SLC25A13: variants seen among roughly 807,000 people sequenced by gnomAD.
The protein encoded by SLC25A13 is electrogenic aspartate/glutamate antiporter SLC25A13, mitochondrial.
A neutral mutation model predicts 85.5 loss-of-function variants in SLC25A13; 70 were observed. That is an observed-to-expected ratio of 0.82 (90% CI 0.68 to 1.00). SLC25A13 has a LOEUF of 1.00. SLC25A13 is among the 50% of genes least tolerant of loss of function. The pLI, the probability that SLC25A13 is intolerant of heterozygous loss-of-function variation, is 0.00. For missense variants in SLC25A13, 765 were observed against 819.8 expected (o/e 0.93, Z 0.82); for synonymous variants, 259 against 288.7 (o/e 0.90, Z 1.04).
intron 1 of SLC25A13, among the ~76,000 whole-genome samples, chr7:96,319,096 T>TA (rs1410989168): frequency 6.6e-6 from 1 of 152,332 alleles, no homozygotes; most frequent in East Asian, 1.9e-4. Context: ...TGGAATAAGT[T>TA]AGACCAGCAG....
intron 5 of SLC25A13, among the ~76,000 whole-genome samples, chr7:96,205,187 C>T (rs1389093426): frequency 1.3e-5 from 2 of 152,170 alleles, no homozygotes; most frequent in African/African-American, 2.4e-5. Flanking sequence ...GGATTACAGG[C>T]GTGAGCCACC....
chr7:96,320,842 T>C (rs532994914), intron 1 of SLC25A13, among the ~76,000 whole-genome samples: 1 of 152,370 alleles, frequency 6.6e-6, no homozygotes, highest in East Asian at 1.9e-4. Flanking sequence ...ACAATTTCCA[T>C]TGCAAATGTG....
rs949468946 is a variant in SLC25A13, at chr7:96,184,306, C to T, written c.1148G>A (p.Arg383His). 6.8e-6 allele frequency: 11 copies of T among 1,614,008 alleles called. No homozygotes were observed. The highest frequency in any genetic ancestry group is 2.7e-5 in the African/African-American group (2 of 74,912). The change falls in exon 11 of 18, where the codon CGC (arginine) becomes CAC (histidine). Residue 383 changes from arginine to histidine, a missense_variant. Physicochemically the swap from Arg to His is conservative, Grantham distance 29. Transcript: ENST00000265631. ...ATACAGTCCAAAGAAGCCTTCATAG[C>T]GTAGCACTTTCTTAAAACAGTCAAA... ...NSFDCFKKVL[R>H]YEGFFGLYRG...
chr7:96,234,440 G>T (rs546912162), intron 4 of SLC25A13, among the ~76,000 whole-genome samples: 1 of 152,266 alleles, frequency 6.6e-6, no homozygotes, highest in Admixed American at 6.5e-5. Context: ...TAACTTCTGT[G>T]TGTAGGCAGA....
At chr7:96,282,924 A>G (rs1173259801) in intron 2 of SLC25A13, among the ~76,000 whole-genome samples, 7 of 152,228 alleles carry the variant, frequency 4.6e-5, no homozygotes, top group Non-Finnish European at 1.5e-5. Flanking sequence ...ACAGATTGGC[A>G]TAAAGTCTTT....
intron 2 of SLC25A13, among the ~76,000 whole-genome samples, chr7:96,296,235 T>A (rs1398236238): frequency 1.3e-5 from 2 of 151,978 alleles, no homozygotes; most frequent in South Asian, 2.1e-4. Flanking sequence ...CATGGATGAG[T>A]GAAGGATTAC....
chr7:96,211,903 C>A (rs1375596769), intron 4 of SLC25A13, among the ~76,000 whole-genome samples: 2 of 152,200 alleles, frequency 1.3e-5, no homozygotes, highest in Non-Finnish European at 2.9e-5. Context: ...TGCATTTTAG[C>A]CAGCACTCCA....
chr7:96,284,794 C>T lies in SLC25A13; in HGVS notation c.70-7456G>A, dbSNP rs373311253. 6.6e-5 allele frequency among the ~76,000 whole-genome samples: 10 copies of T among 152,346 alleles called. No individual in the cohort carries two copies. The East Asian group carries it at 1.7e-3, about 26-fold the overall frequency. On this transcript the variant is annotated intron_variant, in intron 2 of 17. Coordinates refer to ENST00000265631, the MANE Select transcript of SLC25A13 (RefSeq NM_014251.3). ...GAGAATTTGTTTCTCATTCGCCTTC[C>T]ACCATGATTGTGAGGCCTCTCTAGC...
intron 4 of SLC25A13, among the ~76,000 whole-genome samples, chr7:96,217,861 A>G (rs2116748620): frequency 6.6e-6 from 1 of 150,768 alleles, no homozygotes; most frequent in South Asian, 2.1e-4. Flanking sequence ...TGAATTATAT[A>G]CTTTAAATGG....
Position 96,296,961 on chromosome 7 carries a change from A to G in SLC25A13, c.16-10T>C, listed in dbSNP as rs1395606774. On this transcript the variant is annotated splice_polypyrimidine_tract_variant and intron_variant, in intron 1 of 17. Transcript: ENST00000265631. ...TCTTGGTTAAAGCCACCTATAAATA[A>G]ACATAAAAATGTTTATGTTATTACA... is the stretch of plus-strand genomic sequence containing the variant. The G allele has an allele frequency of 6.2e-7, 1 of 1,610,968 alleles. No individual in the cohort carries two copies. The highest frequency in any genetic ancestry group is 1.3e-5 in the African/African-American group (1 of 74,842).
At chr7:96,290,994 T>C (rs1030862805) in intron 2 of SLC25A13, among the ~76,000 whole-genome samples, 1 of 152,180 alleles carries the variant, frequency 6.6e-6, no homozygotes, top group South Asian at 2.1e-4. Context: ...CAGCACCACA[T>C]GGCACTTATT....
chr7:96,299,893 A>G (rs571172549), intron 1 of SLC25A13, among the ~76,000 whole-genome samples: 17 of 152,318 alleles, frequency 1.1e-4, no homozygotes, highest in African/African-American at 3.8e-4. Context: ...CAAGTATCTA[A>G]ACATAGAAAA....
intron 3 of SLC25A13, among the ~76,000 whole-genome samples, chr7:96,259,418 A>C (rs181397586): frequency 2.5e-4 from 38 of 152,328 alleles, no homozygotes; most frequent in African/African-American, 8.4e-4. Flanking sequence ...GACACTTCTG[A>C]AAAAAAGACA....
intron 3 of SLC25A13, among the ~76,000 whole-genome samples, chr7:96,249,118 C>T (rs1351509657): frequency 1.3e-5 from 2 of 152,162 alleles, no homozygotes; most frequent in African/African-American, 4.8e-5. Flanking sequence ...CCAGCCTGGG[C>T]AACGGAGTGA....
At chr7:96,313,397 T>C (rs1000707599) in intron 1 of SLC25A13, among the ~76,000 whole-genome samples, 1 of 152,108 alleles carries the variant, frequency 6.6e-6, no homozygotes, top group Non-Finnish European at 1.5e-5. Context: ...ATAAAGAAAA[T>C]GTGGTATATA....
chr7:96,222,649 T>A (rs1219611648), intron 4 of SLC25A13, among the ~76,000 whole-genome samples: 1 of 152,144 alleles, frequency 6.6e-6, no homozygotes, highest in Non-Finnish European at 1.5e-5. Flanking sequence ...TTTCACCGTG[T>A]TGGCCAGGAT....
chr7:96,143,193 T>G (rs1792639306), intron 14 of SLC25A13, among the ~76,000 whole-genome samples: 2 of 152,234 alleles, frequency 1.3e-5, no homozygotes, highest in South Asian at 4.1e-4. Flanking sequence ...TTGGCCTAAT[T>G]AGCTGTGCTG....
chr7:96,260,901 C>T (rs977672212), intron 3 of SLC25A13, among the ~76,000 whole-genome samples: 1 of 152,110 alleles, frequency 6.6e-6, no homozygotes, highest in Non-Finnish European at 1.5e-5. Flanking sequence ...ATGCTATTCC[C>T]ATGCTCAAAA....
In SLC25A13 at chr7:96,264,346, C is replaced by A. The variant is rs149198095; in HGVS notation, c.212+12850G>T. Among the ~76,000 whole-genome samples, 1,285 of 152,248 alleles carry A rather than the reference C, an allele frequency of 8.4e-3. 14 individuals carry two copies. Among genetic ancestry groups the A allele is most frequent in the African/African-American group, 0.029 (1,213 of 41,532 alleles). On this transcript the variant is annotated intron_variant, in intron 3 of 17. Coordinates refer to ENST00000265631, the MANE Select transcript of SLC25A13 (RefSeq NM_014251.3). ...CACTTCTAGATAACTATGTAGTATA[C>A]GAATCTCTCTCCACAAACTGCCAAT...
Sources: gnomAD v4.1 joint callset for allele counts (sites outside exome capture counted in the v4.1 genomes callset) on GRCh38, gnomAD v4.1.1 for gene constraint, MANE v1.5 for transcripts, NCBI Gene and HGNC (gene_info 2026-07-23, HGNC 2026-07-21) for gene names.